DIAPH3: variants seen among roughly 807,000 people sequenced by gnomAD.
DIAPH3 encodes the protein diaphanous related formin 3.
In DIAPH3, 117 loss-of-function variants were observed where a neutral mutation model predicts 144.3. That is an observed-to-expected ratio of 0.81 (90% CI 0.70 to 0.95). DIAPH3 has a LOEUF of 0.95. DIAPH3 is among the 40% of genes least tolerant of loss of function. DIAPH3 has a pLI of 0.00. For missense variants in DIAPH3, 1,421 were observed against 1,412.7 expected (o/e 1.01, Z -0.09); for synonymous variants, 519 against 488.9 (o/e 1.06, Z -0.81).
chr13:59,769,637 C>G (rs559610298), intron 27 of DIAPH3, among the ~76,000 whole-genome samples: 1 of 151,916 alleles, frequency 6.6e-6, no homozygotes, highest in South Asian at 2.1e-4. Context: ...GCCATGAAGT[C>G]CTTTCAATCC....
intron 7 of DIAPH3, chr13:60,013,370 C>T: frequency 4.5e-6 from 1 of 222,378 alleles, no homozygotes; most frequent in Non-Finnish European, 7.6e-6. Context: ...CAGCCACCCA[C>T]AGTGAGTTAA....
At chr13:59,890,331 G>T (rs994545135) in intron 20 of DIAPH3, among the ~76,000 whole-genome samples, 5 of 152,054 alleles carry the variant, frequency 3.3e-5, no homozygotes, top group African/African-American at 1.2e-4. Context: ...TGTAATTTAA[G>T]TGGAAAACTG....
rs140206587 is a variant in DIAPH3 at position 59,878,608 on chromosome 13, C to T, written c.2607+621G>A. The stretch of plus-strand genomic sequence containing the variant: ...CAGGAAAGAGCTCTGTTTTATAAAA[C>T]ATTGAATATATTTGCTGTAAGGAAA... On this transcript the variant is annotated intron_variant, in intron 21 of 27. Transcript: ENST00000400324. Among the ~76,000 whole-genome samples, 105 of 152,100 alleles carry T rather than the reference C, an allele frequency of 6.9e-4. 1 individual carries two copies. Among genetic ancestry groups the T allele is most frequent in the Middle Eastern group, 6.8e-3 (2 of 294 alleles).
At chr13:60,098,766 A>G (rs998394160) in intron 3 of DIAPH3, among the ~76,000 whole-genome samples, 1 of 152,224 alleles carries the variant, frequency 6.6e-6, no homozygotes, top group African/African-American at 2.4e-5. Context: ...ATGACACTGC[A>G]GACACAGATT....
At chr13:59,679,292 A>G (rs2032809296) in intron 27 of DIAPH3, among the ~76,000 whole-genome samples, 2 of 152,182 alleles carry the variant, frequency 1.3e-5, no homozygotes, top group Non-Finnish European at 2.9e-5. Flanking sequence ...TAAACAACTC[A>G]TTTTTAACAC....
intron 20 of DIAPH3, among the ~76,000 whole-genome samples, chr13:59,891,503 A>G (rs1432858590): frequency 2.0e-5 from 3 of 151,874 alleles, no homozygotes; most frequent in Non-Finnish European, 4.4e-5. Flanking sequence ...CCCACTTTTT[A>G]GCAGGAATTT....
At chr13:60,020,125 T>TAGACTGAGCACTCAATAAATCATTTTAG (rs1200812270) in intron 5 of DIAPH3, among the ~76,000 whole-genome samples, 10 of 152,188 alleles carry the variant, frequency 6.6e-5, no homozygotes, top group Non-Finnish European at 1.3e-4. Context: ...CAGCATGGGA[T>TAGACTGAGCACTCAATAAATCATTTTAG]AGACTGAGCA....
chr13:59,742,479 C>T (rs2036505372), intron 27 of DIAPH3, among the ~76,000 whole-genome samples: 1 of 151,796 alleles, frequency 6.6e-6, no homozygotes, highest in African/African-American at 2.4e-5. Flanking sequence ...TTTTCTGGTT[C>T]TTATGACTTA....
At chr13:59,883,794 AGTAG>A (rs60300503) in intron 20 of DIAPH3, among the ~76,000 whole-genome samples, 83,407 of 151,512 alleles carry the variant, frequency 0.55, 24,365 homozygotes, top group East Asian at 0.74. Flanking sequence ...TATGTTTTCT[AGTAG>A]GTAAGAATGA....
At chr13:59,747,848 A>G (rs2036783603) in intron 27 of DIAPH3, among the ~76,000 whole-genome samples, 1 of 152,054 alleles carries the variant, frequency 6.6e-6, no homozygotes, top group South Asian at 2.1e-4. Context: ...CGCATAGTCA[A>G]CTCTTCCTTC....
At chr13:59,909,940 C>T (rs2046910641) in intron 20 of DIAPH3, among the ~76,000 whole-genome samples, 1 of 152,140 alleles carries the variant, frequency 6.6e-6, no homozygotes, top group South Asian at 2.1e-4. Context: ...TTTAACAAGG[C>T]ATAACTTGGC....
intron 22 of DIAPH3, among the ~76,000 whole-genome samples, chr13:59,857,840 A>T (rs753297642): frequency 6.6e-6 from 1 of 152,168 alleles, no homozygotes; most frequent in Non-Finnish European, 1.5e-5. Flanking sequence ...CATGGATTTA[A>T]CTTAGGCAAA....
chr13:59,921,719 C>T (rs754336699), intron 18 of DIAPH3, among the ~76,000 whole-genome samples: 1 of 151,962 alleles, frequency 6.6e-6, no homozygotes, highest in Non-Finnish European at 1.5e-5. Context: ...GAGAATACTG[C>T]CAAACTCACT....
chr13:59,971,405 A>C (rs549760692), intron 15 of DIAPH3, among the ~76,000 whole-genome samples: 14 of 152,266 alleles, frequency 9.2e-5, no homozygotes, highest in African/African-American at 3.4e-4. Flanking sequence ...TGAGGTAGTT[A>C]TGACCATCTA....
chr13:59,857,450 T>G (rs994425632), intron 22 of DIAPH3, among the ~76,000 whole-genome samples: 1 of 152,094 alleles, frequency 6.6e-6, no homozygotes, highest in African/African-American at 2.4e-5. Flanking sequence ...GCAGAAAGCA[T>G]AGTATTAAAT....
rs866287745 is a variant in DIAPH3 at position 59,879,272 on chromosome 13, C to A, written c.2564G>T (p.Arg855Leu). 1 of 1,613,762 alleles carries A rather than the reference C, an allele frequency of 6.2e-7. No homozygotes were observed. Among genetic ancestry groups the A allele is most frequent in the Non-Finnish European group, 8.5e-7 (1 of 1,179,820 alleles). The change falls in exon 21 of 28, where the codon CGG becomes CTG. Residue 855 changes from arginine to leucine, a missense_variant. Physicochemically the swap from Arg to Leu is moderately radical, Grantham distance 102 (BLOSUM62 -2). Transcript: ENST00000400324. ...LMGNYMNAGSRNAQTFGFNLS... is the reference protein window; with the variant it reads ...LMGNYMNAGSLNAQTFGFNLS... ...GTTAAATCCGAAGGTTTGAGCATTCCGGGAGCCAGCATTCATGTAGTTTCC... is the reference window on the plus strand; with the variant it reads ...GTTAAATCCGAAGGTTTGAGCATTCAGGGAGCCAGCATTCATGTAGTTTCC...
At chr13:59,715,782 T>A (rs1436677163) in intron 27 of DIAPH3, among the ~76,000 whole-genome samples, 1 of 152,208 alleles carries the variant, frequency 6.6e-6, no homozygotes, top group African/African-American at 2.4e-5. Flanking sequence ...GAGATTCATT[T>A]TTTTCTTTCT....
intron 9 of DIAPH3, among the ~76,000 whole-genome samples, chr13:60,001,296 C>A (rs1277131614): frequency 1.3e-5 from 2 of 152,124 alleles, no homozygotes; most frequent in Non-Finnish European, 2.9e-5. Context: ...ACTAAGAGGT[C>A]AATCAGAATA....
In DIAPH3 at chr13:59,707,160, T is replaced by C. The variant is rs1487681485; in HGVS notation, c.3320-40314A>G. Among the ~76,000 whole-genome samples, 5 of 152,210 alleles carry C rather than the reference T, an allele frequency of 3.3e-5. No homozygotes were observed. In the South Asian group the frequency reaches 1.0e-3, roughly 31 times the overall value. On this transcript the variant is annotated intron_variant, in intron 27 of 27. Transcript: ENST00000400324. ...TAGTAAAGCCAGCTAAATGCGTTTCTACTAAGCTCCAAGTTTAAGTTTTAA... is the reference window on the plus strand; with the variant it reads ...TAGTAAAGCCAGCTAAATGCGTTTCCACTAAGCTCCAAGTTTAAGTTTTAA...
Sources: gnomAD v4.1 joint callset for allele counts (sites outside exome capture counted in the v4.1 genomes callset) on GRCh38, gnomAD v4.1.1 for gene constraint, MANE v1.5 for transcripts, NCBI Gene and HGNC (gene_info 2026-07-23, HGNC 2026-07-21) for gene names.